Variants in NLRP4 observed in about 807,000 individuals in gnomAD.
The protein encoded by NLRP4 is NACHT, LRR and PYD domains-containing protein 4.
Under a neutral mutation model 84.7 loss-of-function variants are expected in NLRP4, and 44 were observed. The observed-to-expected ratio is 0.52, with a 90% CI of 0.41 to 0.67. The LOEUF (loss-of-function observed/expected upper bound fraction) is 0.67, where lower values mean the gene tolerates loss of function less well. NLRP4 is among the 30% of genes least tolerant of loss of function. NLRP4 has a pLI of 0.00. For synonymous variants in NLRP4, 544 were observed against 476.4 expected (o/e 1.14, Z -1.85); for missense variants, 1,260 against 1,219.4 (o/e 1.03, Z -0.50).
At chr19:55,853,881 C>A (rs1016632346) in intron 2 of NLRP4, among the ~76,000 whole-genome samples, 83 of 129,414 alleles carry the variant, frequency 6.4e-4, no homozygotes, top group Non-Finnish European at 1.1e-3. Flanking sequence ...TTCTCTCTTG[C>A]TATCTCTTTC....
intron 7 of NLRP4, among the ~76,000 whole-genome samples, chr19:55,876,605 C>T (rs1424306880): frequency 6.6e-6 from 1 of 152,092 alleles, no homozygotes; most frequent in Non-Finnish European, 1.5e-5. Context: ...TCAGGTGATC[C>T]ACCCACCTCA....
chr19:55,857,669 C>T lies in NLRP4; in HGVS notation c.281-5C>T, dbSNP rs576096082. The T allele has an allele frequency of 8.8e-5, 141 of 1,611,326 alleles. No individual in the cohort carries two copies. Among genetic ancestry groups the T allele is most frequent in the Admixed American group, 3.7e-4 (22 of 59,968 alleles). ...TTTTCTCTCCTCTTGCCCTCACTGA[C>T]TCAGGATACACAAAGACCTATCAAG... On this transcript the variant is annotated splice_polypyrimidine_tract_variant and splice_region_variant and intron_variant, in intron 2 of 9. Coordinates refer to ENST00000301295, the MANE Select transcript of NLRP4 (RefSeq NM_134444.5).
intron 1 of NLRP4, among the ~76,000 whole-genome samples, chr19:55,840,774 C>T (rs1983583351): frequency 6.6e-6 from 1 of 152,126 alleles, no homozygotes; most frequent in African/African-American, 2.4e-5. Flanking sequence ...GTAATTTGAG[C>T]CCTGTGGTTA....
chr19:55,862,084 C>T lies in NLRP4; in HGVS notation c.2111C>T (p.Thr704Met), dbSNP rs778909548. 1.1e-5 allele frequency: 17 copies of T among 1,612,778 alleles called. No homozygotes were observed. The highest frequency in any genetic ancestry group is 5.5e-5 in the South Asian group (5 of 91,060). The stretch of plus-strand genomic sequence containing the variant: ...TTGAAATACCTGAGCTTCACCCTCA[C>T]GAAACTCTCTCGTGATGACATCAGG... ...PDLKYLSFTLTKLSRDDIRSL... is the reference protein window; with the variant it reads ...PDLKYLSFTLMKLSRDDIRSL... Residue 704 changes from threonine (T) to methionine (M), a missense_variant, in exon 5 of 10, where the codon ACG becomes ATG. By Grantham distance (81) the Thr-to-Met change is moderately conservative (BLOSUM62 -1). This residue lies in a region of NLRP4 where 544 missense variants were observed against 531.7 expected (regional missense o/e 1.02). Transcript: ENST00000301295.
Position 55,857,879 on chromosome 19 carries a change from G to A in NLRP4, c.486G>A (p.Thr162=), listed in dbSNP as rs186765708. 1.3e-4 allele frequency: 209 copies of A among 1,614,102 alleles called. No homozygotes were observed. Among genetic ancestry groups the A allele is most frequent in the Non-Finnish European group, 1.7e-4 (204 of 1,179,968 alleles). Residue 162 remains threonine, a synonymous_variant, in exon 3 of 10, where the codon ACG becomes ACA. Transcript: ENST00000301295. ...IIQGPQGIGK[T]TLLMKLMMAW... ...AAGGACCACAAGGAATTGGAAAAACGACACTCCTGATGAAGCTGATGATGG... is the reference window on the plus strand; with the variant it reads ...AAGGACCACAAGGAATTGGAAAAACAACACTCCTGATGAAGCTGATGATGG...
chr19:55,852,451 T>C, intron 2 of NLRP4, 91 bp downstream of exon 2: 2 of 767,282 alleles, frequency 2.6e-6, no homozygotes, highest in East Asian at 2.8e-5. Flanking sequence ...CAACAGGACC[T>C]GAATGTGCTA....
chr19:55,854,229 C>T (rs994271336), intron 2 of NLRP4, among the ~76,000 whole-genome samples: 1 of 152,180 alleles, frequency 6.6e-6, no homozygotes, highest in African/African-American at 2.4e-5. Context: ...ACCTCAGCCT[C>T]TCTAAGTATT....
intron 1 of NLRP4, among the ~76,000 whole-genome samples, chr19:55,838,483 T>C (rs1983478245): frequency 6.6e-6 from 1 of 152,052 alleles, no homozygotes; most frequent in Non-Finnish European, 1.5e-5. Context: ...AACACTTTGA[T>C]TTTGGACATC....
chr19:55,879,089 G>A, intron 9 of NLRP4, 125 bp downstream of exon 9: 1 of 732,178 alleles, frequency 1.4e-6, no homozygotes, highest in Non-Finnish European at 2.2e-6. Flanking sequence ...CAGGGTTGTT[G>A]CAGGAGTAAG....
chr19:55,838,471 C>T (rs1983477237), intron 1 of NLRP4, among the ~76,000 whole-genome samples: 2 of 151,976 alleles, frequency 1.3e-5, no homozygotes, highest in African/African-American at 2.4e-5. Context: ...CAGCACCCTG[C>T]CAACACTTTG....
intron 1 of NLRP4, among the ~76,000 whole-genome samples, chr19:55,843,597 C>T (rs1381168346): frequency 6.6e-6 from 1 of 152,038 alleles, no homozygotes; most frequent in East Asian, 1.9e-4. Flanking sequence ...GAGGCTGAGG[C>T]AGGAGAATCA....
intron 3 of NLRP4, among the ~76,000 whole-genome samples, chr19:55,860,012 G>A (rs1423741268): frequency 7.3e-6 from 1 of 136,810 alleles, no homozygotes; most frequent in Non-Finnish European, 1.5e-5. Flanking sequence ...CTGAAATGGA[G>A]TTTTGCTTTG....
At chr19:55,865,357 A>T (rs1293287839) in intron 5 of NLRP4, among the ~76,000 whole-genome samples, 1 of 152,194 alleles carries the variant, frequency 6.6e-6, no homozygotes, top group Non-Finnish European at 1.5e-5. Context: ...CATGGTGTAT[A>T]TGTATCACAT....
chr19:55,846,261 C>T (rs1458054495), intron 1 of NLRP4, among the ~76,000 whole-genome samples: 2 of 152,156 alleles, frequency 1.3e-5, no homozygotes, highest in African/African-American at 4.8e-5. Context: ...TTTCCCAGCA[C>T]CATTTATTAA....
intron 1 of NLRP4, among the ~76,000 whole-genome samples, chr19:55,850,239 G>GGTGTAATTTCCGTGGCTGCA (rs1984025094): frequency 7.1e-6 from 1 of 140,686 alleles, no homozygotes; most frequent in Non-Finnish European, 1.5e-5. Flanking sequence ...CCGTGGCTGC[G>GGTGTAATTTCCGTGGCTGCA]GTGTAATTTC....
At chr19:55,853,005 G>A (rs182014117) in intron 2 of NLRP4, among the ~76,000 whole-genome samples, 1 of 152,190 alleles carries the variant, frequency 6.6e-6, no homozygotes, top group Non-Finnish European at 1.5e-5. Flanking sequence ...TAACACCTGC[G>A]GTAGAGGATA....
At position 55,859,248 on chromosome 19, in the gene NLRP4, A is replaced by G; in HGVS notation, c.1855A>G (p.Thr619Ala). 6.3e-7 allele frequency: 1 copy of G among 1,590,838 alleles called. No individual in the cohort carries two copies. The highest frequency in any genetic ancestry group is 8.6e-7 in the Non-Finnish European group (1 of 1,164,164). Residue 619 changes from threonine (T) to alanine (A), a missense_variant and splice_region_variant, in exon 3 of 10, where the codon ACG becomes GCG. Physicochemically the swap from Thr to Ala is moderately conservative, Grantham distance 58. Transcript: ENST00000301295. ...VFKKEDEHSS[T>A]SDYSLICWHH... Reference sequence around the variant, plus strand: ...TAAGAAAGAGGATGAACACAGCTCTACGTGAGTCCATCCTATGACTTTTTC... The same window carrying G: ...TAAGAAAGAGGATGAACACAGCTCTGCGTGAGTCCATCCTATGACTTTTTC...
In NLRP4 at chr19:55,862,076, C is replaced by T. The variant is rs1304075607; in HGVS notation, c.2103C>T (p.Phe701=). 1.5e-5 allele frequency: 24 copies of T among 1,612,072 alleles called. No homozygotes were observed. The highest frequency in any genetic ancestry group is 2.2e-5 in the East Asian group (1 of 44,892). The change falls in exon 5 of 10, where the codon TTC becomes TTT. Residue 701 remains phenylalanine (F), a synonymous_variant. Coordinates refer to ENST00000301295, the MANE Select transcript of NLRP4 (RefSeq NM_134444.5). ...FYQPDLKYLS[F]TLTKLSRDDI... Reference sequence around the variant, plus strand: ...AGCCAGACTTGAAATACCTGAGCTTCACCCTCACGAAACTCTCTCGTGATG... The same window carrying T: ...AGCCAGACTTGAAATACCTGAGCTTTACCCTCACGAAACTCTCTCGTGATG...
chr19:55,858,877 A>G lies in NLRP4; in HGVS notation c.1484A>G (p.His495Arg), dbSNP rs1984589830. The change falls in exon 3 of 10, where the codon CAT (histidine) becomes CGT (arginine). Residue 495 changes from histidine to arginine, a missense_variant. By Grantham distance (29) the His-to-Arg change is conservative. Coordinates refer to ENST00000301295, the MANE Select transcript of NLRP4 (RefSeq NM_134444.5). The surrounding 1 kb of genome is among the most constrained non-coding windows in gnomAD (Gnocchi z 4.2). ...VANFEKARRA[H>R]WIFLGCFLTG... ...AATTTTGAAAAAGCAAGGAGAGCAC[A>G]TTGGATTTTTTTGGGGTGTTTTCTA... is the stretch of plus-strand genomic sequence containing the variant. 2 of 1,614,208 alleles carry G rather than the reference A, an allele frequency of 1.2e-6. No individual in the cohort carries two copies. Among genetic ancestry groups the G allele is most frequent in the South Asian group, 1.1e-5 (1 of 91,084 alleles).
Sources: gnomAD v4.1 joint callset for allele counts (sites outside exome capture counted in the v4.1 genomes callset) on GRCh38, gnomAD v4.1.1 for gene constraint, gnomAD v4.1.1 regional missense constraint, Gnocchi (gnomAD v3.1) non-coding constraint, MANE v1.5 for transcripts, NCBI Gene and HGNC (gene_info 2026-07-23, HGNC 2026-07-21) for gene names.